LRRC8C: variants seen among roughly 807,000 people sequenced by gnomAD.
LRRC8C encodes leucine rich repeat containing 8 VRAC subunit C.
LRRC8C carries 20 observed loss-of-function variants against 55.3 expected under a neutral mutation model. The observed-to-expected ratio is 0.36, with a 90% CI of 0.25 to 0.53. LRRC8C has a LOEUF of 0.53. LRRC8C is among the 20% of genes least tolerant of loss of function. The pLI, the probability that LRRC8C is intolerant of heterozygous loss-of-function variation, is 0.92. For missense variants in LRRC8C, 659 were observed against 951.4 expected (o/e 0.69, Z 4.04); for synonymous variants, 376 against 360.7 (o/e 1.04, Z -0.48).
In LRRC8C at chr1:89,718,238, A is replaced by G. The variant is rs1054814112; in HGVS notation, c.*3256A>G. On this transcript the variant is annotated 3_prime_UTR_variant, in exon 3 of 3. Transcript: ENST00000370454. Reference sequence around the variant, plus strand: ...TTCCCATCTGTTTCAAGGAGTTTCAACAATTTACATTGCATCGTATGCAGT... The same window carrying G: ...TTCCCATCTGTTTCAAGGAGTTTCAGCAATTTACATTGCATCGTATGCAGT... 6.6e-6 allele frequency: 1 copy of G among 152,124 alleles called. No homozygotes were observed. Among genetic ancestry groups the G allele is most frequent in the African/African-American group, 2.4e-5 (1 of 41,438 alleles). The allele number at this position is 152,124 out of a possible 1,614,324, so 9.4% of individuals were successfully genotyped here.
rs1416406288 is a variant in LRRC8C, at chr1:89,717,161, T to G, written c.*2179T>G. On this transcript the variant is annotated 3_prime_UTR_variant, in exon 3 of 3. Transcript: ENST00000370454. ...CATAGCCCTATCTGTTTTAAACAAA[T>G]AATTTGTTGGCCGATTGTCCATGGT... 6.6e-6 allele frequency: 1 copy of G among 152,124 alleles called. No homozygotes were observed. The highest frequency in any genetic ancestry group is 6.6e-5 in the Admixed American group (1 of 15,266). 9.4% of individuals were successfully genotyped at this position (152,124 alleles called of 1,614,324 possible).
intron 1 of LRRC8C, among the ~76,000 whole-genome samples, chr1:89,681,617 A>G (rs1363570218): frequency 3.3e-5 from 5 of 152,154 alleles, no homozygotes; most frequent in Non-Finnish European, 7.4e-5. Flanking sequence ...GTGGCAGGCA[A>G]GAGAGTGTGT....
chr1:89,687,349 A>G (rs1210317712), intron 2 of LRRC8C, among the ~76,000 whole-genome samples: 2 of 152,208 alleles, frequency 1.3e-5, no homozygotes, highest in East Asian at 3.8e-4. Flanking sequence ...AGAACCAGCT[A>G]AAGTTAGTCA....
At chr1:89,642,999 G>A (rs1264004196) in intron 1 of LRRC8C, among the ~76,000 whole-genome samples, 1 of 141,534 alleles carries the variant, frequency 7.1e-6, no homozygotes, top group African/African-American at 2.7e-5. Flanking sequence ...ACCTGGGTAA[G>A]AGAGTGAGAC....
At chr1:89,634,720 A>C (rs1484899992) in intron 1 of LRRC8C, among the ~76,000 whole-genome samples, 3 of 152,232 alleles carry the variant, frequency 2.0e-5, no homozygotes, top group Non-Finnish European at 2.9e-5. Flanking sequence ...TTCATAAACA[A>C]TGTGTTGAGT....
intron 1 of LRRC8C, chr1:89,668,088 A>G (rs1657321325): frequency 6.6e-6 from 1 of 152,622 alleles, no homozygotes; most frequent in African/African-American, 2.4e-5. Flanking sequence ...TATCTTGATT[A>G]TATTAATTTG....
chr1:89,645,676 G>GT (rs1656590802), intron 1 of LRRC8C, among the ~76,000 whole-genome samples: 1 of 151,996 alleles, frequency 6.6e-6, no homozygotes, highest in Admixed American at 6.5e-5. Flanking sequence ...TGATGAGTGA[G>GT]TTTTTTCTCA....
At chr1:89,656,276 G>T (rs908430605) in intron 1 of LRRC8C, among the ~76,000 whole-genome samples, 1 of 152,204 alleles carries the variant, frequency 6.6e-6, no homozygotes, top group South Asian at 2.1e-4. Context: ...TTTCTGGATC[G>T]CAGTGGTCAG....
chr1:89,667,086 G>T (rs895245445), intron 1 of LRRC8C, among the ~76,000 whole-genome samples: 1 of 152,140 alleles, frequency 6.6e-6, no homozygotes, highest in Non-Finnish European at 1.5e-5. Flanking sequence ...GCAGAGACCT[G>T]AAGGAAGTGA....
intron 2 of LRRC8C, among the ~76,000 whole-genome samples, chr1:89,703,467 G>A (rs1480574009): frequency 6.6e-6 from 1 of 150,470 alleles, no homozygotes. Context: ...AATGAACCCA[G>A]GGAGAAGTTA....
At chr1:89,631,863 A>G (rs931620505), upstream of LRRC8C, 7 of 152,204 alleles carry the variant, frequency 4.6e-5, no homozygotes, top group Non-Finnish European at 1.0e-4. Context: ...AAGCAATGTA[A>G]AGCCCAAGAG....
chr1:89,678,761 G>A (rs1420620443), intron 1 of LRRC8C, among the ~76,000 whole-genome samples: 3 of 151,162 alleles, frequency 2.0e-5, no homozygotes, highest in East Asian at 1.9e-4. Flanking sequence ...CAGACTGCAC[G>A]TGATTTTATG....
At chr1:89,649,548 A>T (rs1011789213) in intron 1 of LRRC8C, among the ~76,000 whole-genome samples, 2 of 152,026 alleles carry the variant, frequency 1.3e-5, no homozygotes, top group African/African-American at 4.8e-5. Flanking sequence ...CTTATTCTAG[A>T]TATAAATAAC....
At chr1:89,647,019 GGTAT>G (rs1656631478) in intron 1 of LRRC8C, among the ~76,000 whole-genome samples, 1 of 116,258 alleles carries the variant, frequency 8.6e-6, no homozygotes, top group Non-Finnish European at 1.8e-5. Context: ...ACTCTGAAAG[GGTAT>G]TTAATAACAT....
At chr1:89,623,232 CTG>C in the LRRC8C span, among the ~76,000 whole-genome samples, 1 of 152,140 alleles carries the variant, frequency 6.6e-6, no homozygotes, top group East Asian at 1.9e-4. Context: ...TTCCTTTTCA[CTG>C]AGAATTGATT....
chr1:89,625,656 A>G, the LRRC8C span, among the ~76,000 whole-genome samples: 4 of 152,192 alleles, frequency 2.6e-5, no homozygotes, highest in Non-Finnish European at 5.9e-5. Context: ...GTCTACAATA[A>G]TTTTCCAAAG....
At position 89,719,527 on chromosome 1, in the gene LRRC8C, CT is replaced by C. The variant is rs1658913884; in HGVS notation, c.*4547del. ...CAGAAAAATAAAGTCATTTTTATAA[CT>C]TAAAATAGATATTTGTCCCTCTCTT... On this transcript the variant is annotated 3_prime_UTR_variant, in exon 3 of 3. Coordinates refer to ENST00000370454, the MANE Select transcript of LRRC8C (RefSeq NM_032270.5). The C allele has an allele frequency of 6.6e-6, 1 of 152,138 alleles. No individual in the cohort carries two copies. The highest frequency in any genetic ancestry group is 1.5e-5 in the Non-Finnish European group (1 of 68,010). 9.4% of individuals were successfully genotyped at this position (152,138 alleles called of 1,614,324 possible). A position where few individuals can be genotyped will look rare whatever the true frequency, so the allele number is the denominator to read the frequency against.
intron 1 of LRRC8C, among the ~76,000 whole-genome samples, chr1:89,669,248 G>T (rs1056725256): frequency 3.9e-5 from 6 of 151,938 alleles, no homozygotes; most frequent in African/African-American, 1.5e-4. Flanking sequence ...TAAAATCAAA[G>T]AGAACACTGG....
chr1:89,631,128 A>G (rs1656095805), upstream of LRRC8C, among the ~76,000 whole-genome samples: 1 of 152,210 alleles, frequency 6.6e-6, no homozygotes. Context: ...GTACAATAGT[A>G]GCTCTCATTT....
Sources: gnomAD v4.1 joint callset for allele counts (sites outside exome capture counted in the v4.1 genomes callset) on GRCh38, gnomAD v4.1.1 for gene constraint, MANE v1.5 for transcripts, NCBI Gene and HGNC (gene_info 2026-07-23, HGNC 2026-07-21) for gene names.